The following WLS variants were observed in gnomAD, a reference collection of about 807,000 sequenced individuals.
The protein encoded by WLS is Wnt ligand secretion mediator.
In WLS, 23 loss-of-function variants were observed where a neutral mutation model predicts 62.8. The ratio of observed to expected loss-of-function variants is 0.37; its 90% confidence interval spans 0.26 to 0.52. WLS has a LOEUF of 0.52. WLS is among the 20% of genes least tolerant of loss of function. WLS has a pLI of 0.92. For synonymous variants in WLS, 246 were observed against 244.1 expected (o/e 1.01, Z -0.07); for missense variants, 615 against 697.3 (o/e 0.88, Z 1.33).
intron 11 of WLS, among the ~76,000 whole-genome samples, chr1:68,110,353 A>G (rs577487551): frequency 2.0e-5 from 3 of 152,128 alleles, no homozygotes; most frequent in South Asian, 2.1e-4. Context: ...TGTGAAACCA[A>G]TTGAAGAAAT....
Position 68,137,867 on chromosome 1 carries a change from T to A in WLS, c.1429A>T (p.Ile477Phe). ...VQVNSAFFTG[I>F]YGMWNLYVFA... ...ACATACAGATTCCACATCCCATAGA[T>A]GCCTGTGAAAAAGGCACTGTTCACT... is the stretch of plus-strand genomic sequence containing the variant. The change falls in exon 11 of 12, where the codon ATC (isoleucine) becomes TTC (phenylalanine). Residue 477 changes from isoleucine to phenylalanine, a missense_variant. By Grantham distance (21) the Ile-to-Phe change is conservative. Transcript: ENST00000262348. 1 of 1,614,054 alleles carries A rather than the reference T, an allele frequency of 6.2e-7. No individual in the cohort carries two copies. Among genetic ancestry groups the A allele is most frequent in the South Asian group, 1.1e-5 (1 of 91,082 alleles).
chr1:68,139,082 C>T (rs140833208), intron 10 of WLS, among the ~76,000 whole-genome samples: 150 of 152,308 alleles, frequency 9.8e-4, no homozygotes, highest in African/African-American at 3.5e-3. Flanking sequence ...TGTCAGTTAA[C>T]CACATTAGCC....
At chr1:68,191,117 T>C (rs1016315688) in intron 2 of WLS, among the ~76,000 whole-genome samples, 6 of 139,804 alleles carry the variant, frequency 4.3e-5, no homozygotes, top group African/African-American at 1.6e-4. Context: ...GGTAATTTGT[T>C]ACCCAGCATT....
chr1:68,223,916 T>A (rs903559172), intron 1 of WLS, among the ~76,000 whole-genome samples: 15 of 152,222 alleles, frequency 9.9e-5, no homozygotes, highest in Non-Finnish European at 2.1e-4. Context: ...TCCAACCAAC[T>A]TTCATGAGGC....
Position 68,228,284 on chromosome 1 carries a change from A to G in WLS, c.106+3910T>C, listed in dbSNP as rs1010521285. 11 of 442,106 alleles carry G rather than the reference A, an allele frequency of 2.5e-5. No homozygotes were observed. The East Asian group carries it at 7.3e-4, about 29-fold the overall frequency. The allele number at this position is 442,106 out of a possible 1,614,324, so 27.4% of individuals were successfully genotyped here. A position where few individuals can be genotyped will look rare whatever the true frequency, so the allele number is the denominator to read the frequency against. The stretch of plus-strand genomic sequence containing the variant: ...AAAACAATGCAACAATTTTCTATTA[A>G]TCCAGTTCTGATCTTCATACTCTTA... On this transcript the variant is annotated intron_variant, in intron 1 of 11. Coordinates refer to ENST00000262348, the MANE Select transcript of WLS (RefSeq NM_024911.7).
Position 68,155,219 on chromosome 1 carries a change from A to G in WLS, c.546T>C (p.Leu182=). 2 of 1,613,886 alleles carry G rather than the reference A, an allele frequency of 1.2e-6. No homozygotes were observed. Among genetic ancestry groups the G allele is most frequent in the Non-Finnish European group, 1.7e-6 (2 of 1,179,898 alleles). Residue 182 remains leucine (L), a synonymous_variant, in exon 4 of 12, where the codon CTT becomes CTC. Coordinates refer to ENST00000262348, the MANE Select transcript of WLS (RefSeq NM_024911.7). ...CCACAGACCCAATTTCCATGAAAGG[A>G]AGGACATCACATTCATAGTAACGGC... The part of the protein sequence containing the change: ...HEGRYYECDV[L]PFMEIGSVAH...
chr1:68,105,226 A>G (rs1045423524), intron 11 of WLS, among the ~76,000 whole-genome samples: 3 of 152,230 alleles, frequency 2.0e-5, no homozygotes, highest in African/African-American at 7.2e-5. Flanking sequence ...TTTACCTAAG[A>G]GTATACTGCC....
intron 1 of WLS, among the ~76,000 whole-genome samples, chr1:68,213,710 C>G (rs1345687973): frequency 6.6e-6 from 1 of 152,036 alleles, no homozygotes; most frequent in Non-Finnish European, 1.5e-5. Flanking sequence ...ATTATCTGAT[C>G]TAAAAAATGC....
chr1:68,157,709 C>A (rs185028426), intron 3 of WLS, among the ~76,000 whole-genome samples: 2 of 152,240 alleles, frequency 1.3e-5, no homozygotes, highest in East Asian at 3.9e-4. Context: ...TCATTTCCTT[C>A]GCACTTTTCA....
chr1:68,222,551 G>C (rs1195982375), intron 1 of WLS, among the ~76,000 whole-genome samples: 1 of 152,128 alleles, frequency 6.6e-6, no homozygotes, highest in East Asian at 1.9e-4. Context: ...GAAATCAGAT[G>C]ATCTTCACAC....
chr1:68,209,092 T>C (rs1232722569), intron 1 of WLS, among the ~76,000 whole-genome samples: 1 of 152,154 alleles, frequency 6.6e-6, no homozygotes, highest in Non-Finnish European at 1.5e-5. Flanking sequence ...CATCCTTGGC[T>C]TCTACCCACT....
At chr1:68,169,933 A>G (rs1163310085) in intron 2 of WLS, among the ~76,000 whole-genome samples, 4 of 152,164 alleles carry the variant, frequency 2.6e-5, no homozygotes, top group Admixed American at 2.6e-4. Flanking sequence ...GAAGATGAGT[A>G]AGAGCTCAGC....
intron 1 of WLS, among the ~76,000 whole-genome samples, chr1:68,214,741 A>T (rs1649662328): frequency 6.6e-6 from 1 of 152,258 alleles, no homozygotes; most frequent in Non-Finnish European, 1.5e-5. Flanking sequence ...AAGATACTTA[A>T]GCAAAAACTA....
chr1:68,143,562 A>G (rs146751128), intron 10 of WLS, among the ~76,000 whole-genome samples: 1 of 152,314 alleles, frequency 6.6e-6, no homozygotes, highest in Non-Finnish European at 1.5e-5. Flanking sequence ...AAATACACAA[A>G]TACTTACCAT....
At chr1:68,191,471 G>T (rs2772296) in intron 2 of WLS, among the ~76,000 whole-genome samples, 52,180 of 151,896 alleles carry the variant, frequency 0.34, 9,179 homozygotes, top group Middle Eastern at 0.43. Flanking sequence ...CCTTCCCAAG[G>T]CTCCTCACAT....
intron 11 of WLS, among the ~76,000 whole-genome samples, chr1:68,111,463 G>A (rs1557446904): frequency 2.6e-5 from 4 of 152,238 alleles, no homozygotes; most frequent in Admixed American, 2.0e-4. Context: ...AGGGCTGCTC[G>A]GTTCTCATTT....
chr1:68,215,765 G>T (rs573041244), intron 1 of WLS, among the ~76,000 whole-genome samples: 2 of 152,278 alleles, frequency 1.3e-5, no homozygotes, highest in South Asian at 4.1e-4. Flanking sequence ...TTCAATGCAT[G>T]TTTATTAGCA....
intron 3 of WLS, among the ~76,000 whole-genome samples, chr1:68,158,590 TAA>T (rs78536788): frequency 6.4e-5 from 9 of 139,938 alleles, no homozygotes; most frequent in African/African-American, 7.9e-5. Flanking sequence ...GCTGATGAGC[TAA>T]AAAAAAAAAA....
chr1:68,158,694 G>A (rs1646933161), intron 3 of WLS, among the ~76,000 whole-genome samples: 2 of 152,154 alleles, frequency 1.3e-5, no homozygotes, highest in South Asian at 4.1e-4. Flanking sequence ...CGGCCCGCAG[G>A]CAGAGTTGGA....
Sources: allele counts gnomAD v4.1 joint callset (sites outside exome capture counted in the v4.1 genomes callset), GRCh38; gene constraint gnomAD v4.1.1; transcripts MANE v1.5; gene names NCBI Gene and HGNC (gene_info 2026-07-23, HGNC 2026-07-21).